IPO11: variants seen among roughly 807,000 people sequenced by gnomAD.
IPO11 encodes importin-11.
IPO11 carries 66 observed loss-of-function variants against 143.2 expected under a neutral mutation model. The ratio of observed to expected loss-of-function variants is 0.46; its 90% confidence interval spans 0.38 to 0.57. IPO11 has a LOEUF of 0.57. IPO11 is among the 20% of genes least tolerant of loss of function. The probability of loss-of-function intolerance (pLI) is 0.00; values close to 1 mark genes in which losing one functional copy is unlikely to be tolerated. For synonymous variants in IPO11, 385 were observed against 377.8 expected (o/e 1.02, Z -0.22); for missense variants, 1,026 against 1,141.0 (o/e 0.90, Z 1.45).
At chr5:62,456,483 A>G (rs1025527459) in intron 5 of IPO11, among the ~76,000 whole-genome samples, 2 of 152,224 alleles carry the variant, frequency 1.3e-5, no homozygotes, top group Non-Finnish European at 2.9e-5. Flanking sequence ...CACGATGTGT[A>G]ACACACAAAA....
chr5:62,455,192 A>G (rs1473952082), intron 5 of IPO11, among the ~76,000 whole-genome samples: 3 of 152,206 alleles, frequency 2.0e-5, no homozygotes. Context: ...TAATAAAGGA[A>G]GATGCAAAGA....
At chr5:62,442,160 C>G (rs935657113) in intron 2 of IPO11, among the ~76,000 whole-genome samples, 1 of 152,162 alleles carries the variant, frequency 6.6e-6, no homozygotes, top group South Asian at 2.1e-4. Context: ...AACTTATTTA[C>G]AAGGATAATT....
chr5:62,625,790 C>T (rs1439251171), intron 29 of IPO11, among the ~76,000 whole-genome samples: 2 of 152,192 alleles, frequency 1.3e-5, no homozygotes, highest in Non-Finnish European at 2.9e-5. Context: ...TTATTAGACA[C>T]TTATATAAGC....
At chr5:62,449,711 C>G (rs1744841530) in intron 3 of IPO11, 1 of 366,798 alleles carries the variant, frequency 2.7e-6, no homozygotes, top group Admixed American at 4.6e-5. Flanking sequence ...ATTCATTTAC[C>G]AGAACCAATT....
At chr5:62,578,973 A>G in intron 27 of IPO11, 1 of 239,644 alleles carries the variant, frequency 4.2e-6, no homozygotes, top group South Asian at 4.7e-5. Flanking sequence ...TCTAGCTGAC[A>G]TGAAAAATAG....
chr5:62,419,047 G>A, intron 1 of IPO11: 2 of 1,551,236 alleles, frequency 1.3e-6, no homozygotes, highest in East Asian at 2.4e-5. Flanking sequence ...GGGCTATGTG[G>A]TATATAGCTT....
chr5:62,429,645 A>G (rs1224167086), intron 1 of IPO11, among the ~76,000 whole-genome samples: 2 of 148,082 alleles, frequency 1.4e-5, no homozygotes, highest in East Asian at 4.0e-4. Context: ...TATTTTTGAG[A>G]CAGAGTCTCG....
At position 62,449,935 on chromosome 5, in the gene IPO11, C is replaced by G; in HGVS notation, c.248C>G (p.Ser83Ter). ...YWRRVAPHAL[S>*]EEEKTTLRAG... ...CTTTTTTTTTTTTACAGTGCTCTCT[C>G]AGAGGAGGAGAAAACTACTCTGCGT... Residue 83 changes from serine (S) to a stop codon, truncating the protein, a stop_gained, in exon 4 of 30, where the codon TCA becomes TGA. Transcript: ENST00000325324. LOFTEE classifies it high-confidence loss of function. 1 of 1,575,362 alleles carries G rather than the reference C, an allele frequency of 6.3e-7. No homozygotes were observed. The highest frequency in any genetic ancestry group is 1.2e-5 in the South Asian group (1 of 82,864).
chr5:62,429,287 C>T (rs527764001), intron 1 of IPO11, among the ~76,000 whole-genome samples: 28 of 152,128 alleles, frequency 1.8e-4, no homozygotes, highest in Non-Finnish European at 3.8e-4. Flanking sequence ...ATGTGACTGG[C>T]TTCTTCTGCT....
intron 27 of IPO11, among the ~76,000 whole-genome samples, chr5:62,570,732 C>T (rs1562244): frequency 0.59 from 89,866 of 152,066 alleles, 26,822 homozygotes; most frequent in South Asian, 0.68. Context: ...GCCCTGTCTG[C>T]AAATTAGATA....
rs1249635753 is a variant in IPO11, at chr5:62,561,266, A to G, written c.2582+9A>G. The stretch of plus-strand genomic sequence containing the variant: ...CTGCCATCTGATAATAGGTGAGGAA[A>G]TGTTTTCTTAAAATTTGTTTCTTTC... On this transcript the variant is annotated intron_variant, in intron 27 of 29. Transcript: ENST00000325324. 6.3e-7 allele frequency: 1 copy of G among 1,589,916 alleles called. No individual in the cohort carries two copies. Among genetic ancestry groups the G allele is most frequent in the Non-Finnish European group, 8.5e-7 (1 of 1,170,334 alleles).
chr5:62,428,543 C>T (rs1392588732), intron 1 of IPO11, among the ~76,000 whole-genome samples: 2 of 151,852 alleles, frequency 1.3e-5, no homozygotes, highest in Admixed American at 1.3e-4. Flanking sequence ...GGAGTTTCAC[C>T]ATGTTGGTCA....
chr5:62,424,451 GAGA>G (rs1391679947), intron 1 of IPO11, among the ~76,000 whole-genome samples: 4 of 151,446 alleles, frequency 2.6e-5, no homozygotes, highest in South Asian at 2.1e-4. Flanking sequence ...GCTTCTTTTT[GAGA>G]AGAAGTCTCT....
At chr5:62,483,720 G>C (rs1463514278) in intron 10 of IPO11, among the ~76,000 whole-genome samples, 3 of 152,078 alleles carry the variant, frequency 2.0e-5, no homozygotes, top group Admixed American at 6.5e-5. Context: ...GTGGGGGAGA[G>C]AGAAACACAT....
chr5:62,606,710 G>A (rs184936314), intron 29 of IPO11, among the ~76,000 whole-genome samples: 37 of 152,134 alleles, frequency 2.4e-4, no homozygotes, highest in Non-Finnish European at 4.0e-4. Flanking sequence ...GGTGGCATGC[G>A]CCTGTAGTCC....
intron 19 of IPO11, among the ~76,000 whole-genome samples, chr5:62,507,642 A>G (rs1247168885): frequency 1.3e-5 from 2 of 152,218 alleles, no homozygotes; most frequent in East Asian, 3.8e-4. Flanking sequence ...TAAAAAGTTG[A>G]TTATAAAAAC....
chr5:62,423,501 GTTA>G (rs1309831196), intron 1 of IPO11, among the ~76,000 whole-genome samples: 9 of 152,238 alleles, frequency 5.9e-5, no homozygotes, highest in Non-Finnish European at 1.3e-4. Flanking sequence ...GTCTACAGCA[GTTA>G]AAGATTTCCT....
chr5:62,586,762 AAAAAAAATATATATATATATAT>A (rs1382626161), intron 27 of IPO11, among the ~76,000 whole-genome samples: 2 of 86,496 alleles, frequency 2.3e-5, no homozygotes, highest in African/African-American at 9.1e-5. Flanking sequence ...CAAAAAAAAA[AAAAAAAATATATATATATATAT>A]ATATATATAT....
chr5:62,499,579 T>C (rs1332221912), intron 16 of IPO11, among the ~76,000 whole-genome samples: 1 of 148,254 alleles, frequency 6.7e-6, no homozygotes, highest in Non-Finnish European at 1.5e-5. Context: ...CTTTTTTTTT[T>C]TTTTTTTTTT....
Sources: allele counts gnomAD v4.1 joint callset (sites outside exome capture counted in the v4.1 genomes callset), GRCh38; gene constraint gnomAD v4.1.1; transcripts MANE v1.5; gene names NCBI Gene and HGNC (gene_info 2026-07-23, HGNC 2026-07-21).